Variants in DOCK3 observed in about 807,000 individuals in gnomAD.
DOCK3 encodes the protein dedicator of cytokinesis 3, also known as dedicator of cytokinesis protein 3.
Under a neutral mutation model 265.6 loss-of-function variants are expected in DOCK3, and 60 were observed. That is an observed-to-expected ratio of 0.23 (90% CI 0.18 to 0.28). DOCK3 has a LOEUF of 0.28. DOCK3 is among the 10% of genes least tolerant of loss of function. The pLI is 1.00. For missense variants in DOCK3, 1,981 were observed against 2,594.3 expected (o/e 0.76, Z 5.14); for synonymous variants, 881 against 938.0 (o/e 0.94, Z 1.11).
intron 1 of DOCK3, among the ~76,000 whole-genome samples, chr3:50,764,025 T>C (rs1347742267): frequency 6.6e-6 from 1 of 152,238 alleles, no homozygotes; most frequent in African/African-American, 2.4e-5. Flanking sequence ...GTAGGTGGCT[T>C]TCCTCGTACG....
At chr3:51,037,065 A>G (rs1192578398) in intron 5 of DOCK3, among the ~76,000 whole-genome samples, 1 of 152,104 alleles carries the variant, frequency 6.6e-6, no homozygotes, top group East Asian at 1.9e-4. Context: ...ACTAATACAC[A>G]TCTATTTATA....
intron 4 of DOCK3, among the ~76,000 whole-genome samples, chr3:50,907,550 G>A (rs2107879184): frequency 6.6e-6 from 1 of 152,114 alleles, no homozygotes; most frequent in South Asian, 2.1e-4. Flanking sequence ...TTTAAAGTCT[G>A]TTTTATCAGA....
chr3:51,236,249 T>C lies in DOCK3; in HGVS notation c.1918-96T>C, dbSNP rs963085941. The C allele has an allele frequency of 3.0e-5, 28 of 943,636 alleles. No homozygotes were observed. In the African/African-American group the frequency reaches 3.9e-4, roughly 13 times the overall value. The allele number at this position is 943,636 out of a possible 1,614,324, so 58.5% of individuals were successfully genotyped here. On this transcript the variant is annotated intron_variant, in intron 19 of 52. Coordinates refer to ENST00000266037, the MANE Select transcript of DOCK3 (RefSeq NM_004947.5). ...GGTATTTTGAGATCCTAAGAGATCTTTCACTTTTTTATTGGAAGTTAAATT... is the reference window on the plus strand; with the variant it reads ...GGTATTTTGAGATCCTAAGAGATCTCTCACTTTTTTATTGGAAGTTAAATT...
chr3:50,990,200 G>A (rs1403805050), intron 5 of DOCK3, among the ~76,000 whole-genome samples: 1 of 152,154 alleles, frequency 6.6e-6, no homozygotes, highest in Non-Finnish European at 1.5e-5. Context: ...TGAAAGGCAG[G>A]GGGAGAAAGT....
chr3:51,280,826 A>T (rs1350695632), intron 27 of DOCK3, among the ~76,000 whole-genome samples: 1 of 152,102 alleles, frequency 6.6e-6, no homozygotes, highest in Non-Finnish European at 1.5e-5. Flanking sequence ...CCCAGAAATA[A>T]TTTTTTTAAA....
Position 51,380,175 on chromosome 3 carries a change from C to T in DOCK3, c.5551C>T (p.Pro1851Ser). ...DAFHHPLGDTPPALPARTLRK... is the reference protein window; with the variant it reads ...DAFHHPLGDTSPALPARTLRK... ...CTTCCACCACCCTCTGGGTGATACC[C>T]CCCCAGCCCTCCCTGCCCGGACCCT... The change falls in exon 52 of 53, where the codon CCC (proline) becomes TCC (serine). Residue 1851 changes from proline (P) to serine (S), a missense_variant. Coordinates refer to ENST00000266037, the MANE Select transcript of DOCK3 (RefSeq NM_004947.5). 1.2e-6 allele frequency: 2 copies of T among 1,613,598 alleles called. No individual in the cohort carries two copies. The highest frequency in any genetic ancestry group is 1.7e-6 in the Non-Finnish European group (2 of 1,179,698).
At chr3:51,204,319 G>GA (rs1231024319) in intron 12 of DOCK3, among the ~76,000 whole-genome samples, 3 of 142,526 alleles carry the variant, frequency 2.1e-5, no homozygotes, top group Non-Finnish European at 3.0e-5. Flanking sequence ...AAATTTACAA[G>GA]AAAAAAACAA....
intron 12 of DOCK3, among the ~76,000 whole-genome samples, chr3:51,205,087 A>T (rs983974108): frequency 6.6e-6 from 1 of 152,180 alleles, no homozygotes; most frequent in Non-Finnish European, 1.5e-5. Context: ...TAGTGGGTGC[A>T]GCGCACCAGC....
At chr3:50,980,517 A>T (rs1371383919) in intron 5 of DOCK3, among the ~76,000 whole-genome samples, 1 of 152,170 alleles carries the variant, frequency 6.6e-6, no homozygotes, top group African/African-American at 2.4e-5. Flanking sequence ...TTTTTGAAAT[A>T]GTTTGAGAAG....
intron 5 of DOCK3, among the ~76,000 whole-genome samples, chr3:50,975,039 G>A (rs1478111409): frequency 6.6e-6 from 1 of 151,372 alleles, no homozygotes; most frequent in African/African-American, 2.4e-5. Flanking sequence ...GGAGATTTTG[G>A]GCTGAGACAG....
At chr3:51,037,563 A>C (rs1002968463) in intron 5 of DOCK3, among the ~76,000 whole-genome samples, 1 of 152,164 alleles carries the variant, frequency 6.6e-6, no homozygotes, top group Admixed American at 6.5e-5. Flanking sequence ...CTTTGCCTTC[A>C]TGGACTTTAC....
intron 9 of DOCK3, among the ~76,000 whole-genome samples, chr3:51,105,178 T>G (rs1457068485): frequency 2.0e-5 from 3 of 151,990 alleles, no homozygotes; most frequent in Non-Finnish European, 4.4e-5. Context: ...GGGAAAAGAG[T>G]GTTCTGTGCC....
rs1576982147 is a variant in DOCK3 at position 51,374,083 on chromosome 3, G to T, written c.5294-386G>T. On this transcript the variant is annotated intron_variant, in intron 49 of 52. Coordinates refer to ENST00000266037, the MANE Select transcript of DOCK3 (RefSeq NM_004947.5). This position sits in a 1 kb window ranked among gnomAD's most constrained non-coding sequence, Gnocchi z 4.8. ...GTGTGAGTGTCTCCATTGCAAGCTG[G>T]CCTGTTCCCATGCCTGGACCCCAGG... Among the ~76,000 whole-genome samples, 1 of 152,296 alleles carries T rather than the reference G, an allele frequency of 6.6e-6. No homozygotes were observed. Among genetic ancestry groups the T allele is most frequent in the South Asian group, 2.1e-4 (1 of 4,826 alleles).
At chr3:50,752,640 G>T (rs1236091416) in intron 1 of DOCK3, among the ~76,000 whole-genome samples, 9 of 151,860 alleles carry the variant, frequency 5.9e-5, no homozygotes, top group Admixed American at 5.3e-4. Flanking sequence ...GCCTGGCATG[G>T]TGGTGCACAC....
intron 5 of DOCK3, among the ~76,000 whole-genome samples, chr3:51,063,948 C>T (rs1247707581): frequency 6.6e-6 from 1 of 152,326 alleles, no homozygotes; most frequent in South Asian, 2.1e-4. Context: ...GCCTAGAAAT[C>T]AGGAGTGAAT....
intron 35 of DOCK3, among the ~76,000 whole-genome samples, chr3:51,337,382 G>A (rs1235286345): frequency 2.0e-5 from 3 of 152,198 alleles, no homozygotes; most frequent in East Asian, 1.9e-4. Flanking sequence ...ACTCCCAGCT[G>A]TACTGCTCTT....
chr3:50,777,834 A>G (rs2609004), intron 1 of DOCK3, among the ~76,000 whole-genome samples: 145,178 of 152,138 alleles, frequency 0.95, 69,684 homozygotes, highest in East Asian at 1. Context: ...GGGTTTTCTA[A>G]GTATATGATT....
chr3:51,297,309 G>A (rs2082143000), intron 27 of DOCK3, among the ~76,000 whole-genome samples: 1 of 151,942 alleles, frequency 6.6e-6, no homozygotes, highest in African/African-American at 2.4e-5. Context: ...ACACCAAAGT[G>A]CAAACAACAA....
intron 4 of DOCK3, among the ~76,000 whole-genome samples, chr3:50,919,647 T>G (rs2050324490): frequency 6.6e-6 from 1 of 152,172 alleles, no homozygotes. Context: ...AAGGGGATTT[T>G]GGGCTGAGAT....
Sources: allele counts gnomAD v4.1 joint callset (sites outside exome capture counted in the v4.1 genomes callset), GRCh38; gene constraint gnomAD v4.1.1; non-coding constraint Gnocchi (gnomAD v3.1); transcripts MANE v1.5; gene names NCBI Gene and HGNC (gene_info 2026-07-23, HGNC 2026-07-21).